LHFPL3: variants seen among roughly 807,000 people sequenced by gnomAD.
LHFPL3 encodes LHFPL tetraspan subfamily member 3, also known as LHFPL tetraspan subfamily member 3 protein.
LHFPL3 carries 5 observed loss-of-function variants against 19.3 expected under a neutral mutation model. The observed-to-expected ratio is 0.26, with a 90% confidence interval of 0.14 to 0.54. The LOEUF (loss-of-function observed/expected upper bound fraction) is 0.54, where lower values mean the gene tolerates loss of function less well. Among genes scored for constraint, LHFPL3 ranks in the 20% least tolerant of loss-of-function variants. The pLI, the probability that LHFPL3 is intolerant of heterozygous loss-of-function variation, is 0.94. For missense variants in LHFPL3, 249 were observed against 307.4 expected (o/e 0.81, Z 1.42); for synonymous variants, 133 against 126.2 (o/e 1.05, Z -0.36).
chr7:104,695,547 G>A (rs10249869), intron 1 of LHFPL3, among the ~76,000 whole-genome samples: 45,950 of 151,982 alleles, frequency 0.3, 7,393 homozygotes, highest in South Asian at 0.53. Flanking sequence ...TTGTAAACAA[G>A]GCCCATGAAG....
At chr7:104,512,828 CA>C (rs1036037957) in intron 1 of LHFPL3, among the ~76,000 whole-genome samples, 9 of 152,052 alleles carry the variant, frequency 5.9e-5, no homozygotes, top group African/African-American at 2.2e-4. Flanking sequence ...GAAGGCTTAC[CA>C]GTGAGATGAT....
intron 1 of LHFPL3, among the ~76,000 whole-genome samples, chr7:104,677,044 T>C (rs997814350): frequency 6.6e-6 from 1 of 152,182 alleles, no homozygotes; most frequent in Admixed American, 6.5e-5. Context: ...TAGAATAACA[T>C]GCAGCAATTA....
chr7:104,675,287 A>G (rs1009822109), intron 1 of LHFPL3, among the ~76,000 whole-genome samples: 7 of 152,244 alleles, frequency 4.6e-5, no homozygotes, highest in African/African-American at 1.4e-4. Context: ...TGTCTGCAAA[A>G]TAGGAGCCAC....
At chr7:104,446,197 A>G (rs1792327124) in intron 1 of LHFPL3, among the ~76,000 whole-genome samples, 1 of 152,248 alleles carries the variant, frequency 6.6e-6, no homozygotes, top group Admixed American at 6.5e-5. Context: ...ATTGACTTAA[A>G]GACAATCAAT....
chr7:104,870,297 C>T (rs1387928539), intron 2 of LHFPL3, among the ~76,000 whole-genome samples: 1 of 152,162 alleles, frequency 6.6e-6, no homozygotes, highest in Non-Finnish European at 1.5e-5. Flanking sequence ...AGAAGCAACA[C>T]ATAGCAATGG....
intron 1 of LHFPL3, among the ~76,000 whole-genome samples, chr7:104,385,336 A>T (rs1342761754): frequency 1.3e-5 from 2 of 152,230 alleles, no homozygotes; most frequent in African/African-American, 4.8e-5. Context: ...CAATACAATT[A>T]TTATGGTCCT....
chr7:104,709,035 T>A (rs1307065206), intron 1 of LHFPL3, among the ~76,000 whole-genome samples: 1 of 152,064 alleles, frequency 6.6e-6, no homozygotes, highest in Non-Finnish European at 1.5e-5. Flanking sequence ...AAGACTCTCA[T>A]CAGCTACTGA....
intron 2 of LHFPL3, among the ~76,000 whole-genome samples, chr7:104,775,490 A>T (rs960276563): frequency 6.6e-6 from 1 of 152,168 alleles, no homozygotes; most frequent in Non-Finnish European, 1.5e-5. Context: ...AATATTAATC[A>T]TTTATGCCCA....
intron 1 of LHFPL3, among the ~76,000 whole-genome samples, chr7:104,688,992 T>C (rs1747951612): frequency 6.6e-6 from 1 of 152,112 alleles, no homozygotes; most frequent in East Asian, 1.9e-4. Flanking sequence ...TTAAAAAAAG[T>C]TCTAGTAGTT....
At chr7:104,886,326 C>T (rs1792146710) in intron 2 of LHFPL3, among the ~76,000 whole-genome samples, 1 of 152,114 alleles carries the variant, frequency 6.6e-6, no homozygotes. Context: ...GCTCAAAGCC[C>T]CATCTGAGGT....
chr7:104,460,941 T>A (rs763913826), intron 1 of LHFPL3, among the ~76,000 whole-genome samples: 7 of 152,240 alleles, frequency 4.6e-5, no homozygotes, highest in Non-Finnish European at 8.8e-5. Context: ...TAGCCTAGGT[T>A]GACTTCCAGG....
intron 1 of LHFPL3, among the ~76,000 whole-genome samples, chr7:104,671,196 G>A (rs181193718): frequency 1.5e-3 from 224 of 152,116 alleles, no homozygotes; most frequent in African/African-American, 5.2e-3. Context: ...GGATTGGCCA[G>A]TAGCTAAGAA....
chr7:104,863,681 T>C (rs971526730), intron 2 of LHFPL3, among the ~76,000 whole-genome samples: 4 of 152,256 alleles, frequency 2.6e-5, no homozygotes, highest in African/African-American at 7.2e-5. Flanking sequence ...CCATTGTAGA[T>C]AGAGGTGAGA....
At chr7:104,837,719 T>A (rs569320279) in intron 2 of LHFPL3, among the ~76,000 whole-genome samples, 63 of 152,224 alleles carry the variant, frequency 4.1e-4, no homozygotes, top group African/African-American at 1.4e-3. Context: ...GGTGCACCCA[T>A]CACCTGGGCA....
At chr7:104,571,679 G>C (rs1327700884) in intron 1 of LHFPL3, among the ~76,000 whole-genome samples, 2 of 152,158 alleles carry the variant, frequency 1.3e-5, no homozygotes, top group African/African-American at 4.8e-5. Context: ...CCTGAATTCT[G>C]CCTCAGAAGA....
At chr7:104,607,511 T>C (rs79780845) in intron 1 of LHFPL3, among the ~76,000 whole-genome samples, 1,828 of 152,272 alleles carry the variant, frequency 0.012, 13 homozygotes, top group Non-Finnish European at 0.019. Flanking sequence ...GTTTAATATT[T>C]CCTCTATAAG....
Position 104,864,704 on chromosome 7 carries a change from C to T in LHFPL3, c.683-41483C>T, listed in dbSNP as rs916672401. On this transcript the variant is annotated intron_variant, in intron 2 of 2. Transcript: ENST00000424859. ...AAACAAAAGGCAGCAGAATCCTCTGCAGACTTAAATGTCCCTGTCTGACAG... is the reference window on the plus strand; with the variant it reads ...AAACAAAAGGCAGCAGAATCCTCTGTAGACTTAAATGTCCCTGTCTGACAG... Among the ~76,000 whole-genome samples the T allele has an allele frequency of 9.2e-5, 14 of 152,322 alleles. No homozygotes were observed. The Middle Eastern group carries it at 0.014, about 148-fold the overall frequency.
chr7:104,520,327 T>C (rs952173669), intron 1 of LHFPL3, among the ~76,000 whole-genome samples: 1 of 148,176 alleles, frequency 6.7e-6, no homozygotes, highest in Non-Finnish European at 1.5e-5. Flanking sequence ...AGCTTTTTGA[T>C]GTGCTGCTGG....
At chr7:104,492,109 T>A (rs1211925469) in intron 1 of LHFPL3, among the ~76,000 whole-genome samples, 2 of 152,242 alleles carry the variant, frequency 1.3e-5, no homozygotes, top group Non-Finnish European at 2.9e-5. Flanking sequence ...GTTAATGTAT[T>A]TTAAAACTAT....
Sources: gnomAD v4.1 joint callset for allele counts (sites outside exome capture counted in the v4.1 genomes callset) on GRCh38, gnomAD v4.1.1 for gene constraint, MANE v1.5 for transcripts, NCBI Gene and HGNC (gene_info 2026-07-23, HGNC 2026-07-21) for gene names.